The following NECAB2 variants were observed in gnomAD, a reference collection of about 807,000 sequenced individuals.
NECAB2 encodes N-terminal EF-hand calcium-binding protein 2.
In NECAB2, 68 loss-of-function variants were observed where a neutral mutation model predicts 51.9. The observed-to-expected ratio is 1.31, with a 90% CI of 1.08 to 1.60. The LOEUF is 1.60. NECAB2 is among the 40% of genes most tolerant of loss of function. The pLI, the probability that NECAB2 is intolerant of heterozygous loss-of-function variation, is 0.00. For synonymous variants in NECAB2, 329 were observed against 203.5 expected (o/e 1.62, Z -5.25); for missense variants, 854 against 490.3 (o/e 1.74, Z -7.00).
intron 1 of NECAB2, among the ~76,000 whole-genome samples, chr16:83,969,127 G>T (rs1211019970): frequency 6.6e-6 from 1 of 151,206 alleles, no homozygotes; most frequent in Non-Finnish European, 1.5e-5. Context: ...GGAGCCGTGA[G>T]CCCCCGGACC....
intron 5 of NECAB2, among the ~76,000 whole-genome samples, chr16:83,982,222 A>C (rs950551057): frequency 8.5e-5 from 13 of 152,196 alleles, no homozygotes; most frequent in Non-Finnish European, 1.9e-4. Flanking sequence ...AGTGACCGCC[A>C]TGTATTAGAC....
chr16:83,994,975 G>C (rs1597221221), intron 8 of NECAB2, among the ~76,000 whole-genome samples: 1 of 152,218 alleles, frequency 6.6e-6, no homozygotes, highest in South Asian at 2.1e-4. Context: ...AGGGTGGTCA[G>C]CAGGGTCCCG....
At chr16:83,994,559 C>T (rs762835910) in intron 7 of NECAB2, 50 bp from the exon 8 acceptor site, 41 of 1,610,222 alleles carry the variant, frequency 2.5e-5, no homozygotes, top group Non-Finnish European at 2.5e-5. Flanking sequence ...CCCCCCGAAG[C>T]CCTCGTCCTG....
rs766748900 is a variant in NECAB2 at position 84,000,809 on chromosome 16, G to A, written c.1040+8G>A. On this transcript the variant is annotated splice_region_variant and intron_variant, in intron 11 of 12. Transcript: ENST00000305202. The stretch of plus-strand genomic sequence containing the variant: ...AGAGGAGGCGTGGAAGAGGTGAGAT[G>A]CTGGGTCCCCACAGCAGGTGAGGGA... The A allele has an allele frequency of 1.9e-6, 3 of 1,613,304 alleles. No individual in the cohort carries two copies. Among genetic ancestry groups the A allele is most frequent in the Admixed American group, 1.7e-5 (1 of 60,016 alleles).
At chr16:83,998,895 A>G (rs1262963375) in intron 10 of NECAB2, among the ~76,000 whole-genome samples, 1 of 152,196 alleles carries the variant, frequency 6.6e-6, no homozygotes, top group African/African-American at 2.4e-5. Flanking sequence ...CTCCTTGGTA[A>G]AGCTAAGGCA....
rs2271300 is a variant in NECAB2 at position 84,001,926 on chromosome 16, A to T, written c.1132+10A>T. On this transcript the variant is annotated intron_variant, in intron 12 of 12. Coordinates refer to ENST00000305202, the MANE Select transcript of NECAB2 (RefSeq NM_019065.3). Reference sequence around the variant, plus strand: ...AGGATCTTGGTGCCAGGTAGGGGGCAAAGGCCTGGAACTGCAGTGGCCACC... The same window carrying T: ...AGGATCTTGGTGCCAGGTAGGGGGCTAAGGCCTGGAACTGCAGTGGCCACC... 6 of 1,613,116 alleles carry T rather than the reference A, an allele frequency of 3.7e-6. No homozygotes were observed. The East Asian group carries it at 1.3e-4, about 36-fold the overall frequency.
upstream of NECAB2, among the ~76,000 whole-genome samples, chr16:83,968,186 C>G (rs1216955190): frequency 3.3e-5 from 5 of 151,424 alleles, no homozygotes; most frequent in Non-Finnish European, 7.4e-5. Context: ...GGGCGCCGCT[C>G]CCCGGGGCTG....
At chr16:83,975,846 C>T (rs551298562) in intron 2 of NECAB2, among the ~76,000 whole-genome samples, 2 of 152,280 alleles carry the variant, frequency 1.3e-5, no homozygotes, top group South Asian at 4.1e-4. Flanking sequence ...GGGTCTCTGG[C>T]AAAAGTGCCA....
intron 10 of NECAB2, among the ~76,000 whole-genome samples, chr16:84,000,147 C>T (rs2084798196): frequency 6.6e-6 from 1 of 152,146 alleles, no homozygotes. Context: ...CTGCCTCGAC[C>T]CCTCAAGACT....
intron 10 of NECAB2, among the ~76,000 whole-genome samples, chr16:84,000,466 G>A (rs1049806531): frequency 6.6e-6 from 1 of 152,182 alleles, no homozygotes; most frequent in Non-Finnish European, 1.5e-5. Flanking sequence ...CTGGGCAACA[G>A]AGTGAGACCC....
intron 2 of NECAB2, among the ~76,000 whole-genome samples, chr16:83,974,938 G>T (rs1183553596): frequency 1.4e-5 from 2 of 143,830 alleles, no homozygotes; most frequent in Non-Finnish European, 3.0e-5. Flanking sequence ...GAACAGGTGT[G>T]CAGGGAGGTG....
chr16:84,000,051 A>G (rs1777677389), intron 10 of NECAB2, among the ~76,000 whole-genome samples: 1 of 132,338 alleles, frequency 7.6e-6, no homozygotes, highest in South Asian at 2.2e-4. Flanking sequence ...CAGGCCCAGC[A>G]AGTTTTATTT....
At position 83,998,278 on chromosome 16, in the gene NECAB2, A is replaced by C. The variant is rs202000938; in HGVS notation, c.923A>C (p.Gln308Pro). 6.2e-7 allele frequency: 1 copy of C among 1,613,458 alleles called. No homozygotes were observed. Among genetic ancestry groups the C allele is most frequent in the East Asian group, 2.2e-5 (1 of 44,850 alleles). The change falls in exon 10 of 13, where the codon CAG becomes CCG. Residue 308 changes from glutamine (Q) to proline (P), a missense_variant. Transcript: ENST00000305202. ...QLSEFLDSLR[Q>P]YLRGTTGVRN... ...AGCGAGTTTCTGGACTCTCTGCGCC[A>C]GTATCTGCGGGGGACCACTGGCGTG...
At chr16:83,994,545 G>A (rs1484854217) in intron 7 of NECAB2, 64 bp from the exon 8 acceptor site, 3 of 1,606,984 alleles carry the variant, frequency 1.9e-6, no homozygotes, top group Non-Finnish European at 2.6e-6. Flanking sequence ...GATGTTTCCA[G>A]CTTCCCCCCG....
intron 1 of NECAB2, among the ~76,000 whole-genome samples, chr16:83,970,766 C>A (rs2084339112): frequency 6.6e-6 from 1 of 152,142 alleles, no homozygotes. Context: ...GGGGTGGGGG[C>A]CACCGCAGAA....
intron 6 of NECAB2, 134 bp downstream of exon 6, chr16:83,990,764 C>T (rs1216917879): frequency 2.6e-6 from 3 of 1,152,862 alleles, no homozygotes; most frequent in Admixed American, 5.4e-5. Context: ...GCTCTTTGTG[C>T]CTTTGGTGCT....
chr16:83,972,398 C>T (rs962890130), intron 2 of NECAB2, among the ~76,000 whole-genome samples: 1 of 152,214 alleles, frequency 6.6e-6, no homozygotes, highest in Admixed American at 6.5e-5. Flanking sequence ...CAGCTCCACT[C>T]AAGGGCTCAG....
chr16:83,998,982 C>A (rs542098080), intron 10 of NECAB2, among the ~76,000 whole-genome samples: 2 of 152,282 alleles, frequency 1.3e-5, no homozygotes, highest in East Asian at 1.9e-4. Flanking sequence ...CCCCCGCCCC[C>A]CGTTTCTGCA....
rs71148868 is a variant in NECAB2 at position 83,985,313 on chromosome 16, C to CAAA, written c.459+4217_459+4219dup. On this transcript the variant is annotated intron_variant, in intron 5 of 12. Transcript: ENST00000305202. ...GGACAACAAGAGCAAATCTCTGTCT[C>CAAA]AAAAAAAAAAAAAAAAAAAAAAAAA... 2.7e-3 allele frequency among the ~76,000 whole-genome samples: 81 copies of CAAA among 30,202 alleles called. 2 individuals are homozygous for CAAA. The highest frequency in any genetic ancestry group is 0.017 in the East Asian group (8 of 460). 19.8% of individuals were successfully genotyped at this position (30,202 alleles called of 152,430 possible). A position where few individuals can be genotyped will look rare whatever the true frequency, so the allele number is the denominator to read the frequency against.
Sources: gnomAD v4.1 joint callset for allele counts (sites outside exome capture counted in the v4.1 genomes callset) on GRCh38, gnomAD v4.1.1 for gene constraint, MANE v1.5 for transcripts, NCBI Gene and HGNC (gene_info 2026-07-23, HGNC 2026-07-21) for gene names.